The following OPCML variants were observed in gnomAD, a reference collection of about 807,000 sequenced individuals.
OPCML encodes the protein opioid binding protein/cell adhesion molecule like.
A neutral mutation model predicts 37.8 loss-of-function variants in OPCML; 13 were observed. The observed-to-expected ratio is 0.34, with a 90% CI of 0.22 to 0.55. The LOEUF (loss-of-function observed/expected upper bound fraction) is 0.55. Ranked by LOEUF, OPCML falls within the 20% of genes least tolerant of loss-of-function variation. The pLI, the probability that OPCML is intolerant of heterozygous loss-of-function variation, is 0.91. For synonymous variants in OPCML, 176 were observed against 168.8 expected (o/e 1.04, Z -0.33); for missense variants, 341 against 435.6 (o/e 0.78, Z 1.93).
At chr11:132,811,179 T>C (rs1473444881) in intron 2 of OPCML, among the ~76,000 whole-genome samples, 1 of 152,046 alleles carries the variant, frequency 6.6e-6, no homozygotes, top group East Asian at 1.9e-4. Context: ...ATCAAACTGC[T>C]CCCAGCTGCA....
At chr11:132,852,561 CTG>C (rs1447360179) in intron 2 of OPCML, among the ~76,000 whole-genome samples, 2 of 151,898 alleles carry the variant, frequency 1.3e-5, no homozygotes, top group South Asian at 2.1e-4. Flanking sequence ...TGGCACCAAA[CTG>C]TATCTGTCGG....
At chr11:132,785,185 T>C (rs1947166761) in intron 2 of OPCML, among the ~76,000 whole-genome samples, 1 of 152,210 alleles carries the variant, frequency 6.6e-6, no homozygotes, top group Non-Finnish European at 1.5e-5. Flanking sequence ...TGATGTCCTA[T>C]GGTGAGCATC....
chr11:133,085,085 T>C (rs1591987776), intron 1 of OPCML, among the ~76,000 whole-genome samples: 1 of 152,348 alleles, frequency 6.6e-6, no homozygotes, highest in Non-Finnish European at 1.5e-5. Context: ...TGGACTCCTT[T>C]ATTTAATGTT....
intron 1 of OPCML, among the ~76,000 whole-genome samples, chr11:133,326,154 T>C (rs185128659): frequency 3.9e-5 from 6 of 152,144 alleles, no homozygotes; most frequent in African/African-American, 1.4e-4. Flanking sequence ...AACTGAGTCC[T>C]CTTTCCCTCC....
chr11:133,386,949 T>C (rs1020158194), intron 1 of OPCML, among the ~76,000 whole-genome samples: 3 of 152,184 alleles, frequency 2.0e-5, no homozygotes, highest in African/African-American at 7.2e-5. Context: ...CAGAGGGTCC[T>C]GCCCACCCTC....
chr11:133,275,040 C>T (rs1164864396), intron 1 of OPCML, among the ~76,000 whole-genome samples: 1 of 152,110 alleles, frequency 6.6e-6, no homozygotes, highest in Non-Finnish European at 1.5e-5. Context: ...GGTCTGGCCA[C>T]AATTAACAAT....
intron 2 of OPCML, among the ~76,000 whole-genome samples, chr11:132,830,038 C>T (rs760843582): frequency 7.9e-5 from 12 of 152,124 alleles, no homozygotes; most frequent in Non-Finnish European, 1.6e-4. Context: ...GACTTGTCAG[C>T]GTGTATGGCA....
chr11:132,764,396 C>T (rs1946369252), intron 2 of OPCML, among the ~76,000 whole-genome samples: 1 of 152,140 alleles, frequency 6.6e-6, no homozygotes, highest in Non-Finnish European at 1.5e-5. Flanking sequence ...GTAATCTTCC[C>T]TAAGATTGGT....
In OPCML at chr11:133,520,544, T is replaced by TC. The variant is rs1948377427; in HGVS notation, c.61+11719dup. Among the ~76,000 whole-genome samples the TC allele has an allele frequency of 2.0e-5, 3 of 152,130 alleles. No homozygotes were observed. In the South Asian group the frequency reaches 6.2e-4, roughly 32 times the overall value. On this transcript the variant is annotated intron_variant, in intron 1 of 7. Transcript: ENST00000524381. ...GGCCTGGGCAAAGACGAATCTAACCTCTAGGGATGCATTCATCAGCCCATG... is the reference window on the plus strand; with the variant it reads ...GGCCTGGGCAAAGACGAATCTAACCTCCTAGGGATGCATTCATCAGCCCATG...
intron 2 of OPCML, among the ~76,000 whole-genome samples, chr11:132,905,417 G>C (rs747035161): frequency 6.6e-6 from 1 of 151,784 alleles, no homozygotes; most frequent in Non-Finnish European, 1.5e-5. Flanking sequence ...ATTTTTGGTA[G>C]AGACAGGGTT....
chr11:133,318,663 T>C (rs917867884), intron 1 of OPCML, among the ~76,000 whole-genome samples: 3 of 152,210 alleles, frequency 2.0e-5, no homozygotes, highest in South Asian at 4.1e-4. Context: ...TCTTTGACGA[T>C]ATCTGCTAGT....
chr11:132,686,838 T>C (rs766600975), intron 2 of OPCML, among the ~76,000 whole-genome samples: 7 of 152,154 alleles, frequency 4.6e-5, no homozygotes, highest in Non-Finnish European at 1.0e-4. Flanking sequence ...TTTGTCCCAC[T>C]CACACCCCAT....
At chr11:133,444,213 G>A (rs1946424665) in intron 1 of OPCML, among the ~76,000 whole-genome samples, 1 of 152,120 alleles carries the variant, frequency 6.6e-6, no homozygotes, top group Non-Finnish European at 1.5e-5. Flanking sequence ...AAGCAGAGGA[G>A]GACGTAGAGA....
At chr11:133,502,715 G>C (rs1246015677) in intron 1 of OPCML, among the ~76,000 whole-genome samples, 2 of 152,318 alleles carry the variant, frequency 1.3e-5, no homozygotes, top group African/African-American at 4.8e-5. Context: ...CCACAGTTCT[G>C]GGCCACTTGC....
intron 1 of OPCML, among the ~76,000 whole-genome samples, chr11:133,517,654 A>G (rs1436056818): frequency 6.6e-6 from 1 of 152,250 alleles, no homozygotes; most frequent in Non-Finnish European, 1.5e-5. Context: ...AATTGGAGCC[A>G]GGCTGACTCC....
At position 132,981,928 on chromosome 11, in the gene OPCML, C is replaced by T. The variant is rs114002801; in HGVS notation, c.62-38918G>A. ...TTGTAAGGAGAAAAATGAAGGTTTA[C>T]AGGTTTAACGTATTTGTGTCCGTCA... On this transcript the variant is annotated intron_variant, in intron 1 of 7. Coordinates refer to ENST00000524381, the MANE Select transcript of OPCML (RefSeq NM_001012393.5). Among the ~76,000 whole-genome samples the T allele has an allele frequency of 4.2e-3, 633 of 152,252 alleles. 4 individuals carry two copies. The highest frequency in any genetic ancestry group is 0.014 in the African/African-American group (601 of 41,550).
At chr11:133,526,157 C>A (rs904376834) in intron 1 of OPCML, among the ~76,000 whole-genome samples, 4 of 152,126 alleles carry the variant, frequency 2.6e-5, no homozygotes, top group Non-Finnish European at 5.9e-5. Context: ...GGCTCTGGGG[C>A]GCAGAGGCGA....
chr11:132,914,571 C>A (rs547015048), intron 2 of OPCML, among the ~76,000 whole-genome samples: 6 of 152,286 alleles, frequency 3.9e-5, no homozygotes, highest in African/African-American at 1.4e-4. Context: ...GACTAAGAAA[C>A]CAGAGTCCCA....
chr11:133,282,611 T>G (rs1337112206), intron 1 of OPCML, among the ~76,000 whole-genome samples: 3 of 152,156 alleles, frequency 2.0e-5, no homozygotes, highest in African/African-American at 7.2e-5. Context: ...ACCAGGGAAC[T>G]GCCTAGTGGA....
Sources: allele counts gnomAD v4.1 joint callset (sites outside exome capture counted in the v4.1 genomes callset), GRCh38; gene constraint gnomAD v4.1.1; transcripts MANE v1.5; gene names NCBI Gene and HGNC (gene_info 2026-07-23, HGNC 2026-07-21).